Variants in MAGI2 observed in about 807,000 individuals in gnomAD.
MAGI2 encodes the protein membrane-associated guanylate kinase, WW and PDZ domain-containing protein 2.
MAGI2 carries 35 observed loss-of-function variants against 133.3 expected under a neutral mutation model. The ratio of observed to expected loss-of-function variants is 0.26; its 90% CI spans 0.20 to 0.35. The LOEUF (loss-of-function observed/expected upper bound fraction) is 0.35, where lower values mean the gene tolerates loss of function less well. MAGI2 is among the 10% of genes least tolerant of loss of function. The pLI, the probability that MAGI2 is intolerant of heterozygous loss-of-function variation, is 1.00. For synonymous variants in MAGI2, 729 were observed against 710.6 expected (o/e 1.03, Z -0.41); for missense variants, 1,636 against 1,863.4 (o/e 0.88, Z 2.25).
intron 1 of MAGI2, among the ~76,000 whole-genome samples, chr7:79,391,554 T>C (rs1844651053): frequency 1.4e-5 from 1 of 73,562 alleles, no homozygotes; most frequent in Admixed American, 1.2e-4. Flanking sequence ...TATATATATA[T>C]ATATATATAC....
At chr7:79,387,660 A>G (rs1474421365) in intron 1 of MAGI2, among the ~76,000 whole-genome samples, 2 of 152,024 alleles carry the variant, frequency 1.3e-5, no homozygotes, top group African/African-American at 2.4e-5. Flanking sequence ...TTGGCTTTCA[A>G]TAATTTAATT....
At chr7:78,481,011 T>A (rs1792312494) in intron 6 of MAGI2, among the ~76,000 whole-genome samples, 1 of 151,950 alleles carries the variant, frequency 6.6e-6, no homozygotes, top group African/African-American at 2.4e-5. Flanking sequence ...TCTGGAGGTT[T>A]AATACAATTC....
intron 2 of MAGI2, among the ~76,000 whole-genome samples, chr7:78,681,430 AT>A (rs1815648267): frequency 1.3e-5 from 2 of 152,186 alleles, no homozygotes; most frequent in Non-Finnish European, 1.5e-5. Context: ...TCTGTTTGCC[AT>A]TTTTATATAT....
chr7:78,438,854 G>A (rs1318415651), intron 6 of MAGI2, among the ~76,000 whole-genome samples: 1 of 152,086 alleles, frequency 6.6e-6, no homozygotes, highest in African/African-American at 2.4e-5. Context: ...CATAATTAAC[G>A]GGCTGTTAAG....
At chr7:78,253,193 A>G (rs1792603900) in intron 10 of MAGI2, 1 of 152,208 alleles carries the variant, frequency 6.6e-6, no homozygotes, top group South Asian at 2.1e-4. Flanking sequence ...TAATGAATGG[A>G]CAGGAAAATG....
intron 2 of MAGI2, among the ~76,000 whole-genome samples, chr7:78,867,541 T>G (rs1794665638): frequency 1.4e-5 from 1 of 71,100 alleles, no homozygotes; most frequent in Non-Finnish European, 2.7e-5. Flanking sequence ...GGGACTGCTG[T>G]GGCGTGGGGG....
chr7:78,661,685 G>C (rs925080278), intron 2 of MAGI2, among the ~76,000 whole-genome samples: 3 of 152,072 alleles, frequency 2.0e-5, no homozygotes, highest in African/African-American at 7.2e-5. Context: ...ACTCTTCCTA[G>C]TTACAGTCTA....
chr7:79,035,225 G>C (rs368121880), intron 1 of MAGI2, among the ~76,000 whole-genome samples: 11 of 151,912 alleles, frequency 7.2e-5, no homozygotes, highest in South Asian at 2.1e-4. Flanking sequence ...GGGGGCAGGG[G>C]GGGTGGTGGG....
chr7:79,313,827 G>A (rs1169105520), intron 1 of MAGI2, among the ~76,000 whole-genome samples: 1 of 147,380 alleles, frequency 6.8e-6, no homozygotes, highest in Non-Finnish European at 1.5e-5. Flanking sequence ...TTTTAAGATG[G>A]AGTCTCACTC....
chr7:78,694,763 C>T (rs1158738519), intron 2 of MAGI2, among the ~76,000 whole-genome samples: 4 of 152,122 alleles, frequency 2.6e-5, no homozygotes, highest in Admixed American at 6.5e-5. Context: ...CCGCTTTCTC[C>T]GTATGTTAAA....
At chr7:79,311,564 C>A (rs908029343) in intron 1 of MAGI2, among the ~76,000 whole-genome samples, 1 of 151,938 alleles carries the variant, frequency 6.6e-6, no homozygotes, top group Admixed American at 6.6e-5. Context: ...CCTTCTCCTC[C>A]CACCACCTGC....
At chr7:78,057,367 C>T (rs141978805) in intron 21 of MAGI2, among the ~76,000 whole-genome samples, 97 of 152,204 alleles carry the variant, frequency 6.4e-4, no homozygotes, top group Non-Finnish European at 1.1e-3. Flanking sequence ...CTCAGCCTCC[C>T]GGGTAGCTAG....
At chr7:78,521,373 A>G in intron 4 of MAGI2, 57 bp downstream of exon 4, 2 of 1,264,882 alleles carry the variant, frequency 1.6e-6, no homozygotes, top group African/African-American at 1.5e-5. Flanking sequence ...GTGTACATAT[A>G]TATCTTAGAT....
chr7:79,177,919 A>G (rs1826252986), intron 1 of MAGI2, among the ~76,000 whole-genome samples: 1 of 152,036 alleles, frequency 6.6e-6, no homozygotes. Flanking sequence ...ACTCCTATTC[A>G]GGTTATCAGT....
chr7:78,776,381 C>T (rs1405744119), intron 2 of MAGI2, among the ~76,000 whole-genome samples: 2 of 152,184 alleles, frequency 1.3e-5, no homozygotes, highest in East Asian at 3.9e-4. Flanking sequence ...TCATAAACTA[C>T]ATGTATTTCT....
At chr7:78,851,391 G>A (rs1223108877) in intron 2 of MAGI2, among the ~76,000 whole-genome samples, 1 of 152,102 alleles carries the variant, frequency 6.6e-6, no homozygotes, top group South Asian at 2.1e-4. Flanking sequence ...TGGAAATTCC[G>A]ACAGAGAGTA....
chr7:78,350,721 C>A (rs1395342485), intron 7 of MAGI2, among the ~76,000 whole-genome samples: 1 of 152,094 alleles, frequency 6.6e-6, no homozygotes, highest in Non-Finnish European at 1.5e-5. Context: ...TGTTTGCCTG[C>A]CATTTTCTTC....
At chr7:79,441,822 T>C (rs1444431992) in intron 1 of MAGI2, among the ~76,000 whole-genome samples, 1 of 152,164 alleles carries the variant, frequency 6.6e-6, no homozygotes, top group Non-Finnish European at 1.5e-5. Flanking sequence ...TTAGGCATAA[T>C]TTAACTTATT....
At chr7:78,942,136 C>T (rs1336684201) in intron 2 of MAGI2, among the ~76,000 whole-genome samples, 1 of 152,160 alleles carries the variant, frequency 6.6e-6, no homozygotes, top group Non-Finnish European at 1.5e-5. Flanking sequence ...ACAACATCCT[C>T]CTATGTAGCT....
Sources: allele counts gnomAD v4.1 joint callset (sites outside exome capture counted in the v4.1 genomes callset), GRCh38; gene constraint gnomAD v4.1.1; transcripts MANE v1.5; gene names NCBI Gene and HGNC (gene_info 2026-07-23, HGNC 2026-07-21).